RGS3: variants seen among roughly 807,000 people sequenced by gnomAD.
RGS3 encodes regulator of G-protein signalling 3.
RGS3 carries 80 observed loss-of-function variants against 132.6 expected under a neutral mutation model. The observed-to-expected ratio is 0.60, with a 90% CI of 0.50 to 0.73. The LOEUF (loss-of-function observed/expected upper bound fraction) is 0.73, where lower values mean the gene tolerates loss of function less well. Among genes scored for constraint, RGS3 ranks in the 30% least tolerant of loss-of-function variants. RGS3 has a pLI of 0.00. For missense variants in RGS3, 1,382 were observed against 1,530.8 expected (o/e 0.90, Z 1.62); for synonymous variants, 598 against 620.6 (o/e 0.96, Z 0.54).
At chr9:113,571,590 A>G (rs980514332) in intron 19 of RGS3, among the ~76,000 whole-genome samples, 4 of 151,948 alleles carry the variant, frequency 2.6e-5, no homozygotes, top group African/African-American at 9.7e-5. Context: ...AACTTGTAGG[A>G]GCTTAAACGA....
chr9:113,555,056 T>A (rs1404232003), intron 19 of RGS3, among the ~76,000 whole-genome samples: 1 of 152,238 alleles, frequency 6.6e-6, no homozygotes, highest in Non-Finnish European at 1.5e-5. Flanking sequence ...CAACCCGATT[T>A]TTTTGAATTG....
intron 7 of RGS3, among the ~76,000 whole-genome samples, chr9:113,495,148 T>C (rs2119271083): frequency 6.6e-6 from 1 of 152,334 alleles, no homozygotes. Context: ...GTGCTGGCAT[T>C]ACAGGCGTGA....
chr9:113,457,984 A>C (rs1381675902), upstream of RGS3, among the ~76,000 whole-genome samples: 1 of 152,240 alleles, frequency 6.6e-6, no homozygotes, highest in Admixed American at 6.5e-5. Flanking sequence ...ACTATAGACA[A>C]AAGGTCAAAG....
At chr9:113,580,090 C>A (rs1041503601) in intron 19 of RGS3, among the ~76,000 whole-genome samples, 1 of 152,236 alleles carries the variant, frequency 6.6e-6, no homozygotes, top group Non-Finnish European at 1.5e-5. Flanking sequence ...AGAACAGGGG[C>A]CTTACCAAAC....
intron 6 of RGS3, 30 bp from the exon 5 acceptor site, chr9:113,485,595 A>G: frequency 6.4e-7 from 1 of 1,570,052 alleles, no homozygotes; most frequent in Non-Finnish European, 8.7e-7. Context: ...AGCCCTTACT[A>G]ACACTCCGAT....
At chr9:113,593,028 G>A (rs1564622993) in intron 21 of RGS3, 1 of 152,202 alleles carries the variant, frequency 6.6e-6, no homozygotes, top group Non-Finnish European at 1.5e-5. Context: ...CAAGAAAGTG[G>A]TGGGGTTGGG....
At chr9:113,494,547 C>CA (rs1345235396) in intron 7 of RGS3, among the ~76,000 whole-genome samples, 1 of 152,224 alleles carries the variant, frequency 6.6e-6, no homozygotes, top group Non-Finnish European at 1.5e-5. Flanking sequence ...AACAGTAACA[C>CA]ACAATCACAG....
intron 8 of RGS3, among the ~76,000 whole-genome samples, chr9:113,496,193 C>G (rs1030736831): frequency 6.6e-6 from 1 of 152,140 alleles, no homozygotes; most frequent in Non-Finnish European, 1.5e-5. Flanking sequence ...CAGGTGCACC[C>G]GTGGTCCGTT....
chr9:113,588,874 C>G (rs1835267781), intron 20 of RGS3, among the ~76,000 whole-genome samples: 2 of 152,210 alleles, frequency 1.3e-5, no homozygotes, highest in African/African-American at 4.8e-5. Context: ...TGTAACTGAG[C>G]TAAGGTCAAT....
chr9:113,448,801 G>A (rs1202790466), intron 1 of RGS3, among the ~76,000 whole-genome samples: 1 of 152,194 alleles, frequency 6.6e-6, no homozygotes, highest in African/African-American at 2.4e-5. Context: ...TTATAATCCA[G>A]CAGTGTGAGG....
At chr9:113,510,343 G>C (rs192916600) in intron 14 of RGS3, among the ~76,000 whole-genome samples, 1 of 152,362 alleles carries the variant, frequency 6.6e-6, no homozygotes, top group East Asian at 1.9e-4. Context: ...CATTAGGTTA[G>C]AGTGGAGATG....
chr9:113,450,131 G>A lies in RGS3; in HGVS notation c.-13+5204G>A, dbSNP rs539791697. ...GTTGCCCAGGCTGGAGTGCAGTGCC[G>A]TGATCTCGGCTCACTGCAACCTCGC... On this transcript the variant is annotated intron_variant, in intron 1 of 25. Coordinates refer to the RGS3 transcript ENST00000374140. Among the ~76,000 whole-genome samples the A allele has an allele frequency of 5.3e-4, 79 of 150,424 alleles. 1 individual carries two copies. The highest frequency in any genetic ancestry group is 1.7e-3 in the African/African-American group (71 of 40,878).
chr9:113,447,319 GTATGTATATGTATATATATATATA>G (rs1279426252), intron 1 of RGS3, among the ~76,000 whole-genome samples: 1 of 21,886 alleles, frequency 4.6e-5, no homozygotes, highest in African/African-American at 8.2e-5. Context: ...AAATTCTGAT[GTATGTATATGTATATATATATATA>G]TATATATATA....
At chr9:113,510,239 C>T (rs1430736767) in intron 14 of RGS3, among the ~76,000 whole-genome samples, 2 of 152,248 alleles carry the variant, frequency 1.3e-5, no homozygotes, top group African/African-American at 2.4e-5. Flanking sequence ...TCTCCAATCT[C>T]ATCCAGGTCG....
intron 17 of RGS3, among the ~76,000 whole-genome samples, chr9:113,528,039 C>A (rs1376119813): frequency 1.3e-5 from 2 of 152,138 alleles, no homozygotes; most frequent in Non-Finnish European, 2.9e-5. Context: ...TCATCTGTGC[C>A]TCAGTTTTCT....
At position 113,583,662 on chromosome 9, in the gene RGS3, A is replaced by G. The variant is rs188459100; in HGVS notation, c.2250A>G (p.Glu750=). The change falls in exon 20 of 25, where the codon GAA becomes GAG. Residue 750 remains glutamate, a synonymous_variant. Transcript: ENST00000350696. ...CCAGCAAAGACTCAGCTACCTCTGA[A>G]GGATCCCCTCCAGGCCCAGATGCTC... 16 of 1,614,122 alleles carry G rather than the reference A, an allele frequency of 9.9e-6. No homozygotes were observed. In the Admixed American group the frequency reaches 1.7e-4, roughly 17 times the overall value.
At chr9:113,542,684 G>C (rs1832952457) in intron 19 of RGS3, among the ~76,000 whole-genome samples, 1 of 152,218 alleles carries the variant, frequency 6.6e-6, no homozygotes, top group Non-Finnish European at 1.5e-5. Flanking sequence ...GGGGGATAGT[G>C]GGGGCAGTGC....
chr9:113,508,495 G>A (rs1831245838), intron 13 of RGS3, 46 bp from the exon 12 acceptor site: 4 of 1,610,712 alleles, frequency 2.5e-6, no homozygotes, highest in Non-Finnish European at 3.4e-6. Flanking sequence ...GGGCTGTCCT[G>A]CCCTGTTCCT....
intron 5 of RGS3, 148 bp downstream of exon 3, chr9:113,483,265 G>T: frequency 1.5e-6 from 1 of 651,810 alleles, no homozygotes. Context: ...CATTTATTGG[G>T]CCCAGTGCTG....
Sources: gnomAD v4.1 joint callset for allele counts (sites outside exome capture counted in the v4.1 genomes callset) on GRCh38, gnomAD v4.1.1 for gene constraint, MANE v1.5 for transcripts, NCBI Gene and HGNC (gene_info 2026-07-23, HGNC 2026-07-21) for gene names.